Variants in SAMMSON observed in about 807,000 individuals in gnomAD.
SAMMSON encodes survival associated mitochondrial melanoma specific oncogenic non-coding RNA, also known as long intergenic non-protein coding RNA 1212.
intron 4 of SAMMSON, among the ~76,000 whole-genome samples, chr3:70,073,860 A>G (rs2106638363): frequency 6.6e-6 from 1 of 152,206 alleles, no homozygotes; most frequent in African/African-American, 2.4e-5. Context: ...CTTACTCAAA[A>G]GATATTATCT....
intron 4 of SAMMSON, among the ~76,000 whole-genome samples, chr3:70,150,908 A>G (rs1198292391): frequency 6.6e-6 from 1 of 152,060 alleles, no homozygotes; most frequent in Non-Finnish European, 1.5e-5. Flanking sequence ...GTGTGAATAA[A>G]TGTTCAATTT....
At chr3:70,276,723 C>G (rs556989593) in intron 6 of SAMMSON, among the ~76,000 whole-genome samples, 1 of 152,282 alleles carries the variant, frequency 6.6e-6, no homozygotes, top group African/African-American at 2.4e-5. Context: ...CAGCCATGCT[C>G]ATTAATTTAT....
intron 6 of SAMMSON, among the ~76,000 whole-genome samples, chr3:70,268,934 CA>C (rs1302533269): frequency 5.9e-5 from 9 of 151,986 alleles, no homozygotes; most frequent in Non-Finnish European, 1.2e-4. Flanking sequence ...ACAATGGAAG[CA>C]ATTAAAATTT....
chr3:70,425,578 T>TTC (rs1701358020), intron 2 of SAMMSON, among the ~76,000 whole-genome samples: 1 of 28,638 alleles, frequency 3.5e-5, no homozygotes, highest in Non-Finnish European at 6.4e-5. Flanking sequence ...CGCCCAGCTA[T>TTC]TTTTTTTCTT....
intron 6 of SAMMSON, among the ~76,000 whole-genome samples, chr3:70,254,161 T>C (rs1414614387): frequency 1.4e-5 from 2 of 143,938 alleles, no homozygotes; most frequent in African/African-American, 5.2e-5. Flanking sequence ...ACAAAAAAAA[T>C]TGTATGCTAA....
chr3:70,348,455 C>T (rs1042002707), intron 7 of SAMMSON, among the ~76,000 whole-genome samples: 2 of 152,198 alleles, frequency 1.3e-5, no homozygotes, highest in Non-Finnish European at 2.9e-5. Context: ...AGATGGCTGT[C>T]TTCACACCGC....
At chr3:70,276,450 A>G (rs1702027302) in intron 6 of SAMMSON, among the ~76,000 whole-genome samples, 1 of 152,168 alleles carries the variant, frequency 6.6e-6, no homozygotes, top group African/African-American at 2.4e-5. Flanking sequence ...TATGCCTCTC[A>G]TTATTTTTTT....
intron 4 of SAMMSON, among the ~76,000 whole-genome samples, chr3:70,179,292 A>G (rs1459617349): frequency 6.6e-6 from 1 of 152,152 alleles, no homozygotes; most frequent in African/African-American, 2.4e-5. Flanking sequence ...TTGAGAAGTG[A>G]AAGTTTTAGG....
chr3:70,214,948 G>GA (rs1187002709), intron 4 of SAMMSON, among the ~76,000 whole-genome samples: 1 of 151,954 alleles, frequency 6.6e-6, no homozygotes, highest in African/African-American at 2.4e-5. Context: ...TTAGGGCTCT[G>GA]AAAAAATAAA....
intron 3 of SAMMSON, among the ~76,000 whole-genome samples, chr3:70,017,102 A>G (rs2066989378): frequency 6.6e-6 from 1 of 152,108 alleles, no homozygotes; most frequent in African/African-American, 2.4e-5. Flanking sequence ...ACTTTAAAGT[A>G]GTTTTTTCCA....
chr3:70,016,267 G>A (rs1008449103), intron 3 of SAMMSON, among the ~76,000 whole-genome samples: 1 of 152,154 alleles, frequency 6.6e-6, no homozygotes, highest in African/African-American at 2.4e-5. Flanking sequence ...TAACTGGTGT[G>A]AGATGGAATC....
At chr3:70,063,323 G>C (rs1282941356) in intron 3 of SAMMSON, among the ~76,000 whole-genome samples, 1 of 152,024 alleles carries the variant, frequency 6.6e-6, no homozygotes, top group African/African-American at 2.4e-5. Flanking sequence ...TGAATATTTT[G>C]GTCTTTTTCC....
At chr3:70,047,141 A>G (rs1336716071) in intron 3 of SAMMSON, among the ~76,000 whole-genome samples, 1 of 152,070 alleles carries the variant, frequency 6.6e-6, no homozygotes, top group Non-Finnish European at 1.5e-5. Flanking sequence ...AGTTACTGTC[A>G]TTTTTTAGTT....
intron 4 of SAMMSON, among the ~76,000 whole-genome samples, chr3:70,114,163 A>G (rs1350049509): frequency 1.3e-5 from 2 of 152,122 alleles, no homozygotes; most frequent in Non-Finnish European, 2.9e-5. Context: ...AGGAAGTTTG[A>G]CCTTGAGTAG....
At chr3:70,007,887 C>T (rs528410470) in intron 1 of SAMMSON, among the ~76,000 whole-genome samples, 21 of 152,206 alleles carry the variant, frequency 1.4e-4, no homozygotes, top group African/African-American at 4.8e-4. Context: ...TTCCCAGCAC[C>T]ATTTGTTAAA....
intron 2 of SAMMSON, among the ~76,000 whole-genome samples, chr3:70,422,612 A>ATT (rs1406632894): frequency 2.0e-5 from 3 of 151,886 alleles, no homozygotes; most frequent in Non-Finnish European, 4.4e-5. Context: ...AGACTTTCTC[A>ATT]TTTTTTTCTG....
intron 4 of SAMMSON, among the ~76,000 whole-genome samples, chr3:70,118,510 A>G (rs1220938180): frequency 1.3e-5 from 2 of 152,172 alleles, no homozygotes; most frequent in African/African-American, 4.8e-5. Flanking sequence ...TTCAGGTCAA[A>G]TAATTCTGTG....
intron 7 of SAMMSON, among the ~76,000 whole-genome samples, chr3:70,343,149 A>G (rs1475044758): frequency 3.3e-5 from 5 of 152,196 alleles, no homozygotes; most frequent in Non-Finnish European, 7.4e-5. Flanking sequence ...GTTCCCAAAT[A>G]TCTCACACTC....
chr3:70,288,143 G>T lies in SAMMSON; in HGVS notation n.675-3036G>T, dbSNP rs1441460169. ...TCTTGCTTTTCTAGTTCTTTTAATT[G>T]TGATGTTAGGGTGTCAATTTTGGAT... On this transcript the variant is annotated intron_variant and non_coding_transcript_variant, in intron 6 of 9. Transcript: ENST00000642114. Among the ~76,000 whole-genome samples the T allele has an allele frequency of 4.8e-5, 7 of 144,402 alleles. No homozygotes were observed. In the East Asian group the frequency reaches 1.4e-3, roughly 29 times the overall value. The allele number at this position is 144,402 out of a possible 152,430, so 94.7% of individuals were successfully genotyped here. A position where few individuals can be genotyped will look rare whatever the true frequency, so the allele number is the denominator to read the frequency against.
Sources: allele counts gnomAD v4.1 joint callset (sites outside exome capture counted in the v4.1 genomes callset), GRCh38; gene constraint gnomAD v4.1.1; transcripts MANE v1.5; gene names NCBI Gene and HGNC (gene_info 2026-07-23, HGNC 2026-07-21).